The following SH3TC2 variants were observed in gnomAD, a reference collection of about 807,000 sequenced individuals.
SH3TC2 encodes the protein SH3 domain and tetratricopeptide repeat-containing protein 2.
A neutral mutation model predicts 124.5 loss-of-function variants in SH3TC2; 87 were observed. The observed-to-expected ratio is 0.70, with a 90% CI of 0.59 to 0.84. The LOEUF is 0.84. Ranked by LOEUF, SH3TC2 falls within the 40% of genes least tolerant of loss-of-function variation. The pLI is 0.00. For missense variants in SH3TC2, 1,536 were observed against 1,566.4 expected (o/e 0.98, Z 0.33); for synonymous variants, 634 against 628.5 (o/e 1.01, Z -0.13).
chr5:149,008,649 A>G, intron 15 of SH3TC2: 1 of 669,232 alleles, frequency 1.5e-6, no homozygotes, highest in Non-Finnish European at 2.6e-6. Context: ...GGTGGGCACT[A>G]TTTTTAATCC....
rs186159847 is a variant in SH3TC2 at position 149,008,812 on chromosome 5, C to T, written c.3478+39G>A. On this transcript the variant is annotated intron_variant, in intron 15 of 16. Transcript: ENST00000515425. ...TTGCTGTCTATCCTTGACTAATCAC[C>T]CCTCTCATTCAACACACCCAATAGT... The T allele has an allele frequency of 3.5e-3, 5,597 of 1,612,950 alleles. 10 individuals carry two copies. The highest frequency in any genetic ancestry group is 4.4e-3 in the Non-Finnish European group (5,162 of 1,179,946).
chr5:149,038,974 A>G (rs766513837), intron 7 of SH3TC2, among the ~76,000 whole-genome samples: 3 of 152,170 alleles, frequency 2.0e-5, no homozygotes, highest in East Asian at 1.9e-4. Context: ...AGTCTCCCCA[A>G]CTGGAAAATG....
At chr5:149,025,875 A>C (rs1313524009) in intron 12 of SH3TC2, 1 of 152,412 alleles carries the variant, frequency 6.6e-6, no homozygotes, top group Non-Finnish European at 1.5e-5. Flanking sequence ...TTGTGCTGTT[A>C]CATCATTTTG....
chr5:148,997,047 A>G lies in SH3TC2; in HGVS notation c.*7664T>C. Among the ~76,000 whole-genome samples the G allele has an allele frequency of 6.6e-6, 1 of 152,238 alleles. No homozygotes were observed. The highest frequency in any genetic ancestry group is 1.9e-4 in the East Asian group (1 of 5,200). ...AGAAACAAAGCATCTGTACATGAACATGGGCTCTTCCCAGGCTATTTGTTT... is the reference window on the plus strand; with the variant it reads ...AGAAACAAAGCATCTGTACATGAACGTGGGCTCTTCCCAGGCTATTTGTTT... On this transcript the variant is annotated 3_prime_UTR_variant, in exon 17 of 17. Coordinates refer to ENST00000515425, the MANE Select transcript of SH3TC2 (RefSeq NM_024577.4).
chr5:149,056,383 A>G (rs1025794612), intron 1 of SH3TC2, among the ~76,000 whole-genome samples: 1 of 152,114 alleles, frequency 6.6e-6, no homozygotes, highest in Non-Finnish European at 1.5e-5. Flanking sequence ...CTGTTCCTGC[A>G]TTAGTTTGCT....
At chr5:149,062,121 G>T (rs939644459) in intron 1 of SH3TC2, among the ~76,000 whole-genome samples, 8 of 152,070 alleles carry the variant, frequency 5.3e-5, no homozygotes, top group Non-Finnish European at 1.0e-4. Flanking sequence ...CCATGGTGGA[G>T]CTCCAGGAAG....
rs752479043 is a variant in SH3TC2 at position 149,045,963 on chromosome 5, T to TA, written c.280-1326dup. 2.2e-3 allele frequency: 910 copies of TA among 408,394 alleles called. 1 individual carries two copies. Among genetic ancestry groups the TA allele is most frequent in the Middle Eastern group, 4.2e-3 (12 of 2,876 alleles). The allele number at this position is 408,394 out of a possible 1,614,324, so 25.3% of individuals were successfully genotyped here. ...CCCGGCCTGGTTTTTTTATAATACC[T>TA]AAAAAAAAAGCAGGTCTGAATCACT... On this transcript the variant is annotated intron_variant, in intron 3 of 16. Coordinates refer to ENST00000515425, the MANE Select transcript of SH3TC2 (RefSeq NM_024577.4).
At chr5:149,026,407 C>G in intron 12 of SH3TC2, 165 bp downstream of exon 12, 2 of 766,760 alleles carry the variant, frequency 2.6e-6, no homozygotes. Flanking sequence ...AAGGCTACAC[C>G]ACTAATAAGT....
Position 148,983,851 on chromosome 5 carries a change from C to T in SH3TC2, c.*20860G>A, listed in dbSNP as rs1354328344. On this transcript the variant is annotated 3_prime_UTR_variant, in exon 17 of 17. Transcript: ENST00000515425. ...AGATAAGATGTAAACTTCTGGTCACCACCCTGAAACTGCATGAAGCTTAGG... is the reference window on the plus strand; with the variant it reads ...AGATAAGATGTAAACTTCTGGTCACTACCCTGAAACTGCATGAAGCTTAGG... 1.3e-5 allele frequency among the ~76,000 whole-genome samples: 2 copies of T among 152,152 alleles called. No homozygotes were observed. The highest frequency in any genetic ancestry group is 1.5e-5 in the Non-Finnish European group (1 of 68,022).
chr5:149,041,474 C>T lies in SH3TC2; in HGVS notation c.673G>A (p.Gly225Ser), dbSNP rs1184918887. The change falls in exon 6 of 17, where the codon GGT (glycine) becomes AGT (serine). Residue 225 changes from glycine to serine, a missense_variant. Physicochemically the swap from Gly to Ser is moderately conservative, Grantham distance 56 (BLOSUM62 0). Coordinates refer to ENST00000515425, the MANE Select transcript of SH3TC2 (RefSeq NM_024577.4). The stretch of plus-strand genomic sequence containing the variant: ...GACACCAGTACCAGGCCCCGCTGAC[C>T]TGTCACCAAAGACACGCCTTCCAAC... The part of the protein sequence containing the change: ...SELEGVSLVT[G>S]QRGLVLVSAL... 6.2e-7 allele frequency: 1 copy of T among 1,614,064 alleles called. No homozygotes were observed. The highest frequency in any genetic ancestry group is 1.7e-5 in the Admixed American group (1 of 60,028).
Position 149,000,962 on chromosome 5 carries a change from A to G in SH3TC2, c.*3749T>C, listed in dbSNP as rs2127390375. On this transcript the variant is annotated 3_prime_UTR_variant, in exon 17 of 17. Coordinates refer to ENST00000515425, the MANE Select transcript of SH3TC2 (RefSeq NM_024577.4). ...GGTGAGGTTCTTTTATCAGAGGACA[A>G]ATATCTGAGATGTGTAGAGGTTAAG... Among the ~76,000 whole-genome samples, 1 of 152,330 alleles carries G rather than the reference A, an allele frequency of 6.6e-6. No homozygotes were observed. Among genetic ancestry groups the G allele is most frequent in the South Asian group, 2.1e-4 (1 of 4,826 alleles).
intron 1 of SH3TC2, among the ~76,000 whole-genome samples, chr5:149,060,585 C>G (rs1278202683): frequency 6.6e-6 from 1 of 152,180 alleles, no homozygotes; most frequent in Admixed American, 6.5e-5. Context: ...GCCCTGAGGA[C>G]TCACTGTTTT....
rs1388289981 is a variant in SH3TC2 at position 148,999,583 on chromosome 5, AAC to A, written c.*5126_*5127del. ...GTCATGAAAAACAAGGAAAGGCAGA[AAC>A]CGTCATAGACCAGAGATGCATAGGG... is the stretch of plus-strand genomic sequence containing the variant. On this transcript the variant is annotated 3_prime_UTR_variant, in exon 17 of 17. Transcript: ENST00000515425. 6.6e-6 allele frequency among the ~76,000 whole-genome samples: 1 copy of A among 152,222 alleles called. No individual in the cohort carries two copies. The highest frequency in any genetic ancestry group is 1.9e-4 in the East Asian group (1 of 5,200).
rs765853048 is a variant in SH3TC2 at position 149,031,539 on chromosome 5, A to C, written c.1135+15T>G. The C allele has an allele frequency of 1.5e-5, 25 of 1,614,036 alleles. No individual in the cohort carries two copies. Among genetic ancestry groups the C allele is most frequent in the East Asian group, 2.2e-5 (1 of 44,884 alleles). On this transcript the variant is annotated intron_variant, in intron 9 of 16. Transcript: ENST00000515425. ...GACCCCAGGCTTTTGAAGGTGTCTG[A>C]GGACCAACACTCACTGAGCCGGTAG... is the stretch of plus-strand genomic sequence containing the variant.
chr5:148,985,911 C>A lies in SH3TC2; in HGVS notation c.*18800G>T, dbSNP rs1201265732. On this transcript the variant is annotated 3_prime_UTR_variant, in exon 17 of 17. Transcript: ENST00000515425. ...CATATCTCCATTAGGGCTCAAAAGA[C>A]TTCATGTCTGTGCTGGGAGCAAAGT... Among the ~76,000 whole-genome samples the A allele has an allele frequency of 2.0e-5, 3 of 152,134 alleles. No homozygotes were observed. Among genetic ancestry groups the A allele is most frequent in the Non-Finnish European group, 4.4e-5 (3 of 68,010 alleles).
intron 12 of SH3TC2, among the ~76,000 whole-genome samples, chr5:149,019,942 C>T (rs1005357513): frequency 6.6e-6 from 1 of 152,170 alleles, no homozygotes; most frequent in African/African-American, 2.4e-5. Context: ...TTTGGAAGTT[C>T]CCTGGAAGCC....
chr5:149,048,013 G>A (rs775259627), intron 2 of SH3TC2, 24 bp from the exon 3 acceptor site: 1 of 1,613,560 alleles, frequency 6.2e-7, no homozygotes, highest in Non-Finnish European at 8.5e-7. Context: ...GAGAGAGAAG[G>A]ATCAGGCTGA....
Position 149,004,746 on chromosome 5 carries a change from C to T in SH3TC2, c.3832G>A (p.Ala1278Thr). ...AGGCCACCACCACTCAGCCACCGCG[C>T]CCTCTCTGAGGAGCACCCGGAGGGC... ...SRPSGCSSER[A>T]RWLSGGGLAL Residue 1278 changes from alanine to threonine, a missense_variant, in exon 17 of 17, where the codon GCG becomes ACG. By Grantham distance (58) the Ala-to-Thr change is moderately conservative. Coordinates refer to ENST00000515425, the MANE Select transcript of SH3TC2 (RefSeq NM_024577.4). The T allele has an allele frequency of 2.5e-6, 4 of 1,613,902 alleles. No individual in the cohort carries two copies. Among genetic ancestry groups the T allele is most frequent in the East Asian group, 2.2e-5 (1 of 44,842 alleles).
At chr5:149,029,675 G>T (rs751074699) in intron 9 of SH3TC2, among the ~76,000 whole-genome samples, 29 of 152,160 alleles carry the variant, frequency 1.9e-4, no homozygotes, top group Admixed American at 7.2e-4. Flanking sequence ...AGAGAAAAGG[G>T]GGTTACAGAG....
Sources: allele counts gnomAD v4.1 joint callset (sites outside exome capture counted in the v4.1 genomes callset), GRCh38; gene constraint gnomAD v4.1.1; transcripts MANE v1.5; gene names NCBI Gene and HGNC (gene_info 2026-07-23, HGNC 2026-07-21).